The following KCNB2 variants were observed in gnomAD, a reference collection of about 807,000 sequenced individuals.
KCNB2 encodes the protein potassium voltage-gated channel subfamily B member 2.
KCNB2 carries 15 observed loss-of-function variants against 61.5 expected under a neutral mutation model. The observed-to-expected ratio is 0.24, with a 90% CI of 0.16 to 0.38. KCNB2 has a LOEUF of 0.38. Among genes scored for constraint, KCNB2 ranks in the 10% least tolerant of loss-of-function variants. The pLI is 1.00. For synonymous variants in KCNB2, 457 were observed against 446.0 expected (o/e 1.02, Z -0.31); for missense variants, 828 against 1,125.2 (o/e 0.74, Z 3.78).
chr8:72,872,681 G>T (rs578032676), intron 2 of KCNB2, among the ~76,000 whole-genome samples: 2 of 152,298 alleles, frequency 1.3e-5, no homozygotes, highest in African/African-American at 4.8e-5. Context: ...TTTCAAAACA[G>T]AAATGCACCT....
intron 2 of KCNB2, among the ~76,000 whole-genome samples, chr8:72,915,863 G>A (rs943016567): frequency 6.6e-6 from 1 of 152,210 alleles, no homozygotes; most frequent in African/African-American, 2.4e-5. Context: ...AGCTTGCAGT[G>A]AGCAGAGATT....
At chr8:72,714,293 T>G (rs1353991685) in intron 2 of KCNB2, among the ~76,000 whole-genome samples, 1 of 152,026 alleles carries the variant, frequency 6.6e-6, no homozygotes, top group South Asian at 2.1e-4. Context: ...ACATTCAAAT[T>G]CAGGAAATAC....
At chr8:72,809,172 G>A (rs763332910) in intron 2 of KCNB2, among the ~76,000 whole-genome samples, 3 of 152,026 alleles carry the variant, frequency 2.0e-5, no homozygotes, top group African/African-American at 4.8e-5. Flanking sequence ...ATCTAGTAAG[G>A]TACTCTCCTG....
chr8:72,802,749 A>T (rs1203577500), intron 2 of KCNB2, among the ~76,000 whole-genome samples: 2 of 152,166 alleles, frequency 1.3e-5, no homozygotes, highest in Non-Finnish European at 2.9e-5. Context: ...CCTATTTGAT[A>T]CCCCTAATGG....
At chr8:72,595,685 C>T (rs1382548127) in intron 2 of KCNB2, among the ~76,000 whole-genome samples, 1 of 152,106 alleles carries the variant, frequency 6.6e-6, no homozygotes, top group Non-Finnish European at 1.5e-5. Flanking sequence ...CTCTGAGAAG[C>T]CTTCACAGAG....
chr8:72,914,371 G>C (rs1302291651), intron 2 of KCNB2, among the ~76,000 whole-genome samples: 1 of 152,162 alleles, frequency 6.6e-6, no homozygotes, highest in Admixed American at 6.6e-5. Context: ...ATAGGGAGAT[G>C]ACAATATTAC....
chr8:72,688,936 C>A (rs537568291), intron 2 of KCNB2, among the ~76,000 whole-genome samples: 2 of 152,246 alleles, frequency 1.3e-5, no homozygotes, highest in African/African-American at 4.8e-5. Context: ...ACCACGTTGG[C>A]CAGGCTGGTC....
At chr8:72,583,184 G>T (rs1806934485) in intron 2 of KCNB2, among the ~76,000 whole-genome samples, 1 of 152,098 alleles carries the variant, frequency 6.6e-6, no homozygotes, top group African/African-American at 2.4e-5. Context: ...TGGTATTTCA[G>T]ACCTTACTGA....
At chr8:72,664,602 A>T (rs1480614009) in intron 2 of KCNB2, among the ~76,000 whole-genome samples, 2 of 152,192 alleles carry the variant, frequency 1.3e-5, no homozygotes, top group African/African-American at 4.8e-5. Flanking sequence ...GATTTGAAAG[A>T]TAGAAAGCAT....
intron 2 of KCNB2, among the ~76,000 whole-genome samples, chr8:72,692,781 A>ATTAT (rs963126799): frequency 2.0e-4 from 30 of 148,740 alleles, no homozygotes; most frequent in Non-Finnish European, 3.4e-4. Context: ...TTATTATTTA[A>ATTAT]TTATTTATTT....
chr8:72,787,592 G>A (rs1808863915), intron 2 of KCNB2, among the ~76,000 whole-genome samples: 1 of 151,978 alleles, frequency 6.6e-6, no homozygotes, highest in Non-Finnish European at 1.5e-5. Context: ...TGCTTAGCAA[G>A]GGTCTTTAAG....
At chr8:72,890,902 G>A (rs1400970346) in intron 2 of KCNB2, among the ~76,000 whole-genome samples, 3 of 152,164 alleles carry the variant, frequency 2.0e-5, no homozygotes, top group Non-Finnish European at 2.9e-5. Context: ...GTCAACAATG[G>A]TGGCTTATTA....
chr8:72,618,062 G>T (rs1805649690), intron 2 of KCNB2, among the ~76,000 whole-genome samples: 1 of 152,114 alleles, frequency 6.6e-6, no homozygotes, highest in Non-Finnish European at 1.5e-5. Flanking sequence ...TGCACACACT[G>T]CTGTTTCTCC....
chr8:72,537,443 G>A lies in KCNB2; in HGVS notation c.-536G>A, dbSNP rs946989936. ...AGCGAGCGGCAACTCCCGGGCTGGC[G>A]CGGCTCGCTTTCTGGCTCCTTCCGC... On this transcript the variant is annotated 5_prime_UTR_variant, in exon 1 of 3. Coordinates refer to ENST00000523207, the MANE Select transcript of KCNB2 (RefSeq NM_004770.3). 2.0e-5 allele frequency: 3 copies of A among 152,746 alleles called. No homozygotes were observed. Among genetic ancestry groups the A allele is most frequent in the African/African-American group, 7.2e-5 (3 of 41,454 alleles). The allele number at this position is 152,746 out of a possible 1,614,324, so 9.5% of individuals were successfully genotyped here.
intron 2 of KCNB2, among the ~76,000 whole-genome samples, chr8:72,749,020 G>T (rs1808136009): frequency 6.6e-6 from 1 of 152,036 alleles, no homozygotes; most frequent in Non-Finnish European, 1.5e-5. Flanking sequence ...CCTCGTAATG[G>T]TTTTTTCTGA....
chr8:72,551,819 A>T (rs1316717616), intron 1 of KCNB2, among the ~76,000 whole-genome samples: 3 of 152,172 alleles, frequency 2.0e-5, no homozygotes. Flanking sequence ...TGCTGCTTTC[A>T]TGCACTTCTT....
chr8:72,723,923 C>T (rs753770122), intron 2 of KCNB2, among the ~76,000 whole-genome samples: 4 of 152,200 alleles, frequency 2.6e-5, no homozygotes, highest in African/African-American at 7.2e-5. Flanking sequence ...TCTATGTGTG[C>T]ATTTCTACCA....
At chr8:72,849,748 C>G (rs1810060950) in intron 2 of KCNB2, among the ~76,000 whole-genome samples, 1 of 152,178 alleles carries the variant, frequency 6.6e-6, no homozygotes, top group South Asian at 2.1e-4. Flanking sequence ...ATCCACTTTT[C>G]TTTTCAGTCA....
intron 2 of KCNB2, among the ~76,000 whole-genome samples, chr8:72,890,370 A>G (rs1349232706): frequency 6.6e-6 from 1 of 152,196 alleles, no homozygotes; most frequent in African/African-American, 2.4e-5. Flanking sequence ...TTGCAGACAC[A>G]ATACAAGTAA....
Sources: gnomAD v4.1 joint callset for allele counts (sites outside exome capture counted in the v4.1 genomes callset) on GRCh38, gnomAD v4.1.1 for gene constraint, MANE v1.5 for transcripts, NCBI Gene and HGNC (gene_info 2026-07-23, HGNC 2026-07-21) for gene names.